AVL9: variants seen among roughly 807,000 people sequenced by gnomAD.
AVL9 encodes the protein late secretory pathway protein AVL9 homolog.
A neutral mutation model predicts 79.2 loss-of-function variants in AVL9; 49 were observed. The ratio of observed to expected loss-of-function variants is 0.62; its 90% CI spans 0.49 to 0.79. The LOEUF (loss-of-function observed/expected upper bound fraction) is 0.79, where lower values mean the gene tolerates loss of function less well. Among genes scored for constraint, AVL9 ranks in the 30% least tolerant of loss-of-function variants. The pLI, the probability that AVL9 is intolerant of heterozygous loss-of-function variation, is 0.00. For synonymous variants in AVL9, 299 were observed against 280.6 expected (o/e 1.07, Z -0.65); for missense variants, 682 against 776.8 (o/e 0.88, Z 1.45).
At chr7:32,563,343 C>T (rs1790411967) in intron 10 of AVL9, among the ~76,000 whole-genome samples, 1 of 152,008 alleles carries the variant, frequency 6.6e-6, no homozygotes, top group Non-Finnish European at 1.5e-5. Flanking sequence ...CTCCCGTATA[C>T]TTTAAATTAC....
intron 2 of AVL9, among the ~76,000 whole-genome samples, chr7:32,543,666 GT>G (rs1789323300): frequency 6.6e-6 from 1 of 152,208 alleles, no homozygotes; most frequent in Non-Finnish European, 1.5e-5. Context: ...AGCTGAGATT[GT>G]TTTTGTGCCT....
At chr7:32,496,702 T>C (rs1786831051) in intron 1 of AVL9, among the ~76,000 whole-genome samples, 1 of 152,226 alleles carries the variant, frequency 6.6e-6, no homozygotes, top group Non-Finnish European at 1.5e-5. Flanking sequence ...TAATGAAGCA[T>C]TTAGTTTCTT....
At chr7:32,518,714 C>T (rs1300359163) in intron 1 of AVL9, among the ~76,000 whole-genome samples, 2 of 151,956 alleles carry the variant, frequency 1.3e-5, no homozygotes, top group Admixed American at 6.5e-5. Flanking sequence ...TAGGACAAAC[C>T]AGAAAGTCCA....
In AVL9 at chr7:32,570,010, T is replaced by C; in HGVS notation, c.1216-10T>C. On this transcript the variant is annotated splice_polypyrimidine_tract_variant and intron_variant, in intron 10 of 15. Transcript: ENST00000318709. ...TTTCTGATATTTTCTATTACTCTTCTAATTCATAGGGATATCTGTGTTTGC... is the reference window on the plus strand; with the variant it reads ...TTTCTGATATTTTCTATTACTCTTCCAATTCATAGGGATATCTGTGTTTGC... 6.2e-7 allele frequency: 1 copy of C among 1,613,944 alleles called. No homozygotes were observed. The highest frequency in any genetic ancestry group is 8.5e-7 in the Non-Finnish European group (1 of 1,179,806).
intron 9 of AVL9, 52 bp from the exon 10 acceptor site, chr7:32,558,877 G>T (rs1790200932): frequency 2.1e-6 from 3 of 1,459,216 alleles, no homozygotes; most frequent in African/African-American, 2.8e-5. Flanking sequence ...TAGCTCTCAG[G>T]TTCTTCCATA....
intron 1 of AVL9, chr7:32,535,670 T>G (rs536155604): frequency 3.9e-5 from 6 of 152,286 alleles, no homozygotes; most frequent in Admixed American, 2.0e-4. Context: ...CAAATTTGAT[T>G]TAGATTTGGG....
intron 8 of AVL9, among the ~76,000 whole-genome samples, chr7:32,557,731 C>T (rs760963381): frequency 6.6e-6 from 1 of 152,046 alleles, no homozygotes; most frequent in Non-Finnish European, 1.5e-5. Flanking sequence ...AAATTTCAGA[C>T]ATTGTGACTA....
chr7:32,504,935 A>G (rs1787338360), intron 1 of AVL9, among the ~76,000 whole-genome samples: 1 of 151,988 alleles, frequency 6.6e-6, no homozygotes. Context: ...GTGCGGTGGC[A>G]TGATCTCAGC....
intron 12 of AVL9, among the ~76,000 whole-genome samples, chr7:32,575,588 A>T (rs935258585): frequency 6.6e-6 from 1 of 152,218 alleles, no homozygotes; most frequent in Non-Finnish European, 1.5e-5. Context: ...ATACATATCA[A>T]TCAGTATGTT....
chr7:32,572,718 C>A (rs778435225), intron 11 of AVL9, among the ~76,000 whole-genome samples: 1 of 141,214 alleles, frequency 7.1e-6, no homozygotes, highest in Non-Finnish European at 1.5e-5. Flanking sequence ...AGGAGAATGG[C>A]ATGAACCCAG....
intron 1 of AVL9, among the ~76,000 whole-genome samples, chr7:32,524,501 C>CGAGA (rs1788314463): frequency 6.7e-6 from 1 of 150,130 alleles, no homozygotes; most frequent in African/African-American, 2.5e-5. Flanking sequence ...GGCGGCTGAG[C>CGAGA]GAGACTCCAT....
intron 6 of AVL9, 23 bp downstream of exon 6, chr7:32,552,318 A>G: frequency 6.9e-7 from 1 of 1,450,594 alleles, no homozygotes; most frequent in South Asian, 1.2e-5. Context: ...CTTACAAGTT[A>G]AAAGAGATCC....
intron 15 of AVL9, among the ~76,000 whole-genome samples, chr7:32,583,413 A>G (rs928052152): frequency 6.6e-6 from 1 of 152,160 alleles, no homozygotes; most frequent in Non-Finnish European, 1.5e-5. Flanking sequence ...ATTAACATTT[A>G]TTGGCTGGGC....
intron 7 of AVL9, 152 bp from the exon 8 acceptor site, chr7:32,554,406 T>G (rs1321382815): frequency 2.3e-6 from 1 of 429,852 alleles, no homozygotes; most frequent in African/African-American, 2.1e-5. Context: ...CAGGTAATAT[T>G]TAACTTCTCA....
chr7:32,580,745 G>A (rs1207785281), intron 14 of AVL9, 57 bp from the exon 15 acceptor site: 2 of 1,221,724 alleles, frequency 1.6e-6, no homozygotes, highest in African/African-American at 3.0e-5. Context: ...CTGTGTGCGT[G>A]TGTGAGATTT....
At chr7:32,561,637 T>TA (rs374436918) in intron 10 of AVL9, among the ~76,000 whole-genome samples, 77 of 150,940 alleles carry the variant, frequency 5.1e-4, no homozygotes, top group African/African-American at 1.9e-3. Context: ...TTCACTGGTT[T>TA]AAAAAACAAA....
chr7:32,507,506 G>GT (rs1276131826), intron 1 of AVL9, among the ~76,000 whole-genome samples: 2 of 152,158 alleles, frequency 1.3e-5, no homozygotes, highest in African/African-American at 4.8e-5. Context: ...CATATATTAT[G>GT]TGTGCTTTTG....
Position 32,579,528 on chromosome 7 carries a change from ATAT to A in AVL9, c.1689-687_1689-685del, listed in dbSNP as rs1447995862. On this transcript the variant is annotated intron_variant, in intron 13 of 15. Coordinates refer to ENST00000318709, the MANE Select transcript of AVL9 (RefSeq NM_015060.3). Reference sequence around the variant, plus strand: ...TATTATATATTATATTATATATTATATATTATATTATATATTATATATTATATA... The same window carrying A: ...TATTATATATTATATTATATATTATATATATTATATATTATATATTATATA... Among the ~76,000 whole-genome samples the A allele has an allele frequency of 1.7e-3, 11 of 6,624 alleles. 1 individual carries two copies. The highest frequency in any genetic ancestry group is 5.7e-3 in the African/African-American group (11 of 1,934). 4.3% of individuals were successfully genotyped at this position (6,624 alleles called of 152,430 possible). A position where few individuals can be genotyped will look rare whatever the true frequency, so the allele number is the denominator to read the frequency against.
intron 1 of AVL9, among the ~76,000 whole-genome samples, chr7:32,520,390 T>C (rs35565866): frequency 0.19 from 28,187 of 152,184 alleles, 2,870 homozygotes; most frequent in South Asian, 0.31. Flanking sequence ...CTTGTTTGTA[T>C]TGATGCACGA....
Sources: gnomAD v4.1 joint callset for allele counts (sites outside exome capture counted in the v4.1 genomes callset) on GRCh38, gnomAD v4.1.1 for gene constraint, MANE v1.5 for transcripts, NCBI Gene and HGNC (gene_info 2026-07-23, HGNC 2026-07-21) for gene names.